Variants in TTC17 observed in about 807,000 individuals in gnomAD.
TTC17 encodes the protein tetratricopeptide repeat protein 17.
TTC17 carries 58 observed loss-of-function variants against 143.8 expected under a neutral mutation model. The ratio of observed to expected loss-of-function variants is 0.40; its 90% CI spans 0.33 to 0.50. The LOEUF is 0.50. Ranked by LOEUF, TTC17 falls within the 20% of genes least tolerant of loss-of-function variation. TTC17 has a pLI of 0.49. For missense variants in TTC17, 1,273 were observed against 1,392.5 expected, an observed-to-expected ratio of 0.91 and a Z score of 1.37; for synonymous variants, 501 against 497.8, an observed-to-expected ratio of 1.01 and a Z score of -0.09.
At chr11:43,443,018 G>A (rs1843802901) in intron 16 of TTC17, among the ~76,000 whole-genome samples, 1 of 152,154 alleles carries the variant, frequency 6.6e-6, no homozygotes, top group African/African-American at 2.4e-5. Context: ...TGAATGTAGA[G>A]CAAGTGGATC....
chr11:43,379,179 T>A, intron 1 of TTC17, 54 bp from the exon 2 acceptor site: 1 of 1,520,462 alleles, frequency 6.6e-7, no homozygotes, highest in Non-Finnish European at 9.1e-7. Flanking sequence ...ACTTTGTTAA[T>A]CCAAACCAGC....
intron 21 of TTC17, among the ~76,000 whole-genome samples, chr11:43,487,768 G>A (rs1045620329): frequency 6.6e-6 from 1 of 152,186 alleles, no homozygotes; most frequent in Non-Finnish European, 1.5e-5. Context: ...TGGTCTGGGG[G>A]CTGGAAGCCT....
At chr11:43,370,131 A>G (rs1481681848) in intron 1 of TTC17, 2 of 454,444 alleles carry the variant, frequency 4.4e-6, no homozygotes, top group South Asian at 3.1e-5. Flanking sequence ...CTGGGCTGCT[A>G]TTTTTGCGAA....
rs769699039 is a variant in TTC17, at chr11:43,358,939, C to T, written c.-16C>T. On this transcript the variant is annotated 5_prime_UTR_variant, in exon 1 of 24. Coordinates refer to ENST00000039989, the MANE Select transcript of TTC17 (RefSeq NM_018259.6). ...GCTTCCGCTTCCGGTGTGAGCGGCC[C>T]GGCCGGGGGGGCAAGATGGCGGCGG... The T allele has an allele frequency of 2.6e-6, 4 of 1,563,802 alleles. No homozygotes were observed. Among genetic ancestry groups the T allele is most frequent in the Admixed American group, 1.8e-5 (1 of 54,422 alleles).
chr11:43,438,999 T>C (rs927804640), intron 16 of TTC17, among the ~76,000 whole-genome samples: 1 of 152,232 alleles, frequency 6.6e-6, no homozygotes, highest in Admixed American at 6.5e-5. Flanking sequence ...AGTTTTGTCT[T>C]ATGAGGCTAA....
chr11:43,405,821 A>G lies in TTC17; in HGVS notation c.1631A>G (p.Glu544Gly), dbSNP rs1320442214. The G allele has an allele frequency of 6.2e-7, 1 of 1,614,018 alleles. No individual in the cohort carries two copies. The highest frequency in any genetic ancestry group is 1.3e-5 in the African/African-American group (1 of 75,026). ...HELSSDDYSTEEEAQTPDCSI... is the reference protein window; with the variant it reads ...HELSSDDYSTGEEAQTPDCSI... ...CTCAGCAGTGATGATTATTCTACAG[A>G]AGAAGAGGCCCAAACCCCTGACTGT... Residue 544 changes from glutamate to glycine, a missense_variant, in exon 13 of 24, where the codon GAA becomes GGA. Glu to Gly is a moderately conservative substitution (Grantham distance 98). Around this residue, in one of 3 missense-constraint regions of TTC17, gnomAD observed 878 missense variants for 899.8 expected, o/e 0.98. Transcript: ENST00000039989.
At chr11:43,367,386 A>G (rs1856386730) in intron 1 of TTC17, among the ~76,000 whole-genome samples, 1 of 152,254 alleles carries the variant, frequency 6.6e-6, no homozygotes, top group Non-Finnish European at 1.5e-5. Context: ...AGCAAAAAGT[A>G]TGGGGCAACA....
At chr11:43,489,658 A>C (rs1294443988) in intron 21 of TTC17, 1 of 151,808 alleles carries the variant, frequency 6.6e-6, no homozygotes, top group African/African-American at 2.4e-5. Context: ...GAATCGCTTG[A>C]ACCTGGGAGA....
At position 43,450,113 on chromosome 11, in the gene TTC17, A is replaced by G. The variant is rs750618440; in HGVS notation, c.2818A>G (p.Ile940Val). The change falls in exon 20 of 24, where the codon ATA becomes GTA. Residue 940 changes from isoleucine (I) to valine (V), a missense_variant. Ile to Val is a conservative substitution (Grantham distance 29, BLOSUM62 3). Around this residue, in one of 3 missense-constraint regions of TTC17, gnomAD observed 878 missense variants for 899.8 expected, o/e 0.98. Transcript: ENST00000039989. ...AGAACACATAGATTTTGCCACCCCTATACAGCAGCCAGCAATGGAGCCTCT... is the reference window on the plus strand; with the variant it reads ...AGAACACATAGATTTTGCCACCCCTGTACAGCAGCCAGCAATGGAGCCTCT... ...ITEHIDFATP[I>V]QQPAMEPLCN... 15 of 1,614,144 alleles carry G rather than the reference A, an allele frequency of 9.3e-6. No homozygotes were observed. The highest frequency in any genetic ancestry group is 1.3e-5 in the African/African-American group (1 of 75,032).
intron 1 of TTC17, among the ~76,000 whole-genome samples, chr11:43,361,696 G>A (rs1488093441): frequency 1.3e-5 from 2 of 152,206 alleles, no homozygotes; most frequent in African/African-American, 4.8e-5. Context: ...GGGACCATCT[G>A]TATACTTTGT....
In TTC17 at chr11:43,407,251, G is replaced by C. The variant is rs777518318; in HGVS notation, c.1839+36G>C. ...TACTTTAGACATCTAAAACTTAAAT[G>C]CTTCTTAATTATAAGTAAAAGTTAA... On this transcript the variant is annotated intron_variant, in intron 14 of 23. Transcript: ENST00000039989. The C allele has an allele frequency of 1.9e-6, 3 of 1,558,432 alleles. No homozygotes were observed. In the African/African-American group the frequency reaches 4.1e-5, roughly 21 times the overall value.
rs762804477 is a variant in TTC17 at position 43,379,338 on chromosome 11, A to T, written c.249+16A>T. The T allele has an allele frequency of 2.5e-6, 4 of 1,601,252 alleles. No homozygotes were observed. The highest frequency in any genetic ancestry group is 3.4e-6 in the Non-Finnish European group (4 of 1,171,296). On this transcript the variant is annotated intron_variant, in intron 2 of 23. Transcript: ENST00000039989. The stretch of plus-strand genomic sequence containing the variant: ...AGAATTAGAGGTGAGGCAACTGGGC[A>T]TGTGAGATGCAGCTGATGCTTGTTG...
Position 43,443,690 on chromosome 11 carries a change from A to G in TTC17, c.2511+106A>G, listed in dbSNP as rs552652496. ...GTTGGATATGTGGCACTACTTGGCT[A>G]TGCACTCCAGGACAGCCTTCACATT... On this transcript the variant is annotated intron_variant, in intron 17 of 23. Transcript: ENST00000039989. 3.1e-5 allele frequency: 43 copies of G among 1,398,420 alleles called. No homozygotes were observed. The African/African-American group carries it at 3.6e-4, about 12-fold the overall frequency. The allele number at this position is 1,398,420 out of a possible 1,614,324, so 86.6% of individuals were successfully genotyped here.
chr11:43,390,297 T>A (rs1423388465), intron 3 of TTC17: 2 of 152,444 alleles, frequency 1.3e-5, no homozygotes, highest in Non-Finnish European at 2.9e-5. Context: ...GACTCCAGGC[T>A]GGGTGACAGA....
At chr11:43,359,183 T>G in intron 1 of TTC17, 70 bp downstream of exon 1, 1 of 1,458,498 alleles carries the variant, frequency 6.9e-7, no homozygotes, top group Non-Finnish European at 9.1e-7. Context: ...GCTTGGCCCC[T>G]GGCTGTTGGG....
intron 21 of TTC17, among the ~76,000 whole-genome samples, chr11:43,481,758 T>C (rs1269719164): frequency 6.6e-6 from 1 of 152,154 alleles, no homozygotes; most frequent in East Asian, 1.9e-4. Flanking sequence ...GTATCTTATC[T>C]CTTTTTTTCT....
At chr11:43,486,912 T>C (rs1350332480) in intron 21 of TTC17, among the ~76,000 whole-genome samples, 1 of 151,730 alleles carries the variant, frequency 6.6e-6, no homozygotes, top group Non-Finnish European at 1.5e-5. Flanking sequence ...GGTGCATGCC[T>C]GTAGTCCCAG....
At chr11:43,432,480 C>T (rs559823243) in intron 16 of TTC17, among the ~76,000 whole-genome samples, 1 of 152,290 alleles carries the variant, frequency 6.6e-6, no homozygotes, top group Non-Finnish European at 1.5e-5. Flanking sequence ...GCTTTGCAAG[C>T]AAGTAACAGC....
At chr11:43,384,775 C>T (rs1318754788) in intron 2 of TTC17, among the ~76,000 whole-genome samples, 2 of 152,194 alleles carry the variant, frequency 1.3e-5, no homozygotes, top group Non-Finnish European at 2.9e-5. Flanking sequence ...TCTTTAGTGA[C>T]ATGTATGACC....
Sources: allele counts gnomAD v4.1 joint callset (sites outside exome capture counted in the v4.1 genomes callset), GRCh38; gene constraint gnomAD v4.1.1; regional missense constraint gnomAD v4.1.1; transcripts MANE v1.5; gene names NCBI Gene and HGNC (gene_info 2026-07-23, HGNC 2026-07-21).